NAF1: variants seen among roughly 807,000 people sequenced by gnomAD.
The protein encoded by NAF1 is nuclear assembly factor 1 ribonucleoprotein.
NAF1 carries 11 observed loss-of-function variants against 40.6 expected under a neutral mutation model. That is an observed-to-expected ratio of 0.27 (90% CI 0.17 to 0.45). The LOEUF is 0.45. Among genes scored for constraint, NAF1 ranks in the 20% least tolerant of loss-of-function variants. The pLI, the probability that NAF1 is intolerant of heterozygous loss-of-function variation, is 1.00. For missense variants in NAF1, 607 were observed against 611.1 expected (o/e 0.99, Z 0.07); for synonymous variants, 260 against 228.5 (o/e 1.14, Z -1.24).
chr4:163,124,630 G>A (rs1265752135), downstream of NAF1, among the ~76,000 whole-genome samples: 4 of 152,106 alleles, frequency 2.6e-5, no homozygotes, highest in Non-Finnish European at 5.9e-5. Flanking sequence ...TCCACAATTG[G>A]TTGAACCCAC....
rs1001037603 is a variant in NAF1 at position 163,166,877 on chromosome 4, G to A, written c.-150C>T. 2.4e-5 allele frequency: 25 copies of A among 1,060,286 alleles called. No individual in the cohort carries two copies. In the African/African-American group the frequency reaches 2.9e-4, roughly 12 times the overall value. The allele number at this position is 1,060,286 out of a possible 1,614,324, so 65.7% of individuals were successfully genotyped here. On this transcript the variant is annotated 5_prime_UTR_variant, in exon 1 of 8. Coordinates refer to ENST00000274054, the MANE Select transcript of NAF1 (RefSeq NM_138386.3). ...GTTTCTCAGGTAACTACACGCGGAG[G>A]AGCCAAAAGACACGCCCCCGCCATT...
intron 2 of NAF1, among the ~76,000 whole-genome samples, chr4:163,150,661 G>A (rs542966495): frequency 1.3e-5 from 2 of 151,756 alleles, no homozygotes; most frequent in South Asian, 4.2e-4. Flanking sequence ...TTTATCAGTG[G>A]TACTATAATA....
At chr4:163,115,013 TATC>T (rs561143391) in intron 2 of NAF1, among the ~76,000 whole-genome samples, 71 of 152,208 alleles carry the variant, frequency 4.7e-4, no homozygotes, top group African/African-American at 1.5e-3. Context: ...TTATTCATAA[TATC>T]ATCCTATTTC....
intron 7 of NAF1, among the ~76,000 whole-genome samples, chr4:163,130,578 T>C: frequency 6.6e-6 from 1 of 152,142 alleles, no homozygotes; most frequent in East Asian, 1.9e-4. Context: ...AATAAATCAA[T>C]GGGACAAAAT....
Position 163,129,180 on chromosome 4 carries a change from A to G in NAF1, c.1202T>C (p.Met401Thr), listed in dbSNP as rs1560784377. The G allele has an allele frequency of 5.0e-6, 8 of 1,613,832 alleles. No individual in the cohort carries two copies. The highest frequency in any genetic ancestry group is 1.7e-5 in the Admixed American group (1 of 60,002). The change falls in exon 8 of 8, where the codon ATG becomes ACG. Residue 401 changes from methionine to threonine, a missense_variant. Met to Thr is a moderately conservative substitution (Grantham distance 81). Transcript: ENST00000274054. ...AAATCCTGAAGTCTCCTGAGATACCATATGTTCTGAGTTATAGAAATGCTG... is the reference window on the plus strand; with the variant it reads ...AAATCCTGAAGTCTCCTGAGATACCGTATGTTCTGAGTTATAGAAATGCTG... ...PPQHFYNSEH[M>T]VSQETSGFPS...
At position 163,145,803 on chromosome 4, in the gene NAF1, A is replaced by G. The variant is rs781534374; in HGVS notation, c.696T>C (p.Ser232=). The G allele has an allele frequency of 2.5e-6, 4 of 1,588,484 alleles. No individual in the cohort carries two copies. The highest frequency in any genetic ancestry group is 2.6e-6 in the Non-Finnish European group (3 of 1,162,330). The change falls in exon 4 of 8, where the codon AGT becomes AGC. Residue 232 remains serine, a synonymous_variant. Coordinates refer to ENST00000274054, the MANE Select transcript of NAF1 (RefSeq NM_138386.3). ...AAACCTTTCCTGCTGCTTGTCGATCACTTTTAAAAATTACAGTCTCCTCAT... is the reference window on the plus strand; with the variant it reads ...AAACCTTTCCTGCTGCTTGTCGATCGCTTTTAAAAATTACAGTCTCCTCAT... ...PVNEETVIFK[S]DRQAAGKIFE...
At chr4:163,104,279 C>G in the NAF1 span, among the ~76,000 whole-genome samples, 18,100 of 152,180 alleles carry the variant, frequency 0.12, 1,165 homozygotes, top group Non-Finnish European at 0.14. Flanking sequence ...ACATGCAGGT[C>G]ACAGGGGATT....
chr4:163,138,501 A>T (rs1731141250), intron 5 of NAF1, among the ~76,000 whole-genome samples: 1 of 152,142 alleles, frequency 6.6e-6, no homozygotes, highest in African/African-American at 2.4e-5. Flanking sequence ...TTTTAACAAG[A>T]CAGTAAGTAC....
At chr4:163,114,441 T>G (rs1271907308) in intron 2 of NAF1, among the ~76,000 whole-genome samples, 1 of 152,192 alleles carries the variant, frequency 6.6e-6, no homozygotes, top group South Asian at 2.1e-4. Context: ...GAACACAGGA[T>G]TCCAGAAAAT....
intron 2 of NAF1, among the ~76,000 whole-genome samples, chr4:163,152,456 A>G (rs1328918266): frequency 6.6e-6 from 1 of 152,192 alleles, no homozygotes; most frequent in African/African-American, 2.4e-5. Context: ...GGGTCTCACA[A>G]TTTTGGTCAA....
At chr4:163,147,222 T>A (rs1403134709) in intron 3 of NAF1, among the ~76,000 whole-genome samples, 2 of 152,192 alleles carry the variant, frequency 1.3e-5, no homozygotes, top group East Asian at 3.8e-4. Context: ...TGTTAATTTT[T>A]AAAAATATCA....
downstream of NAF1, among the ~76,000 whole-genome samples, chr4:163,125,089 C>T (rs1444171388): frequency 3.3e-5 from 5 of 152,214 alleles, no homozygotes; most frequent in Non-Finnish European, 7.3e-5. Context: ...TTAATGGATA[C>T]ATGTGTATGT....
chr4:163,137,127 A>G (rs773713921), intron 6 of NAF1, 72 bp downstream of exon 6: 36 of 1,557,894 alleles, frequency 2.3e-5, no homozygotes, highest in Non-Finnish European at 3.0e-5. Context: ...CCTAACAGCA[A>G]GAATGATAAA....
downstream of NAF1, among the ~76,000 whole-genome samples, chr4:163,106,098 C>T (rs1241672312): frequency 6.6e-6 from 1 of 152,122 alleles, no homozygotes; most frequent in African/African-American, 2.4e-5. Flanking sequence ...TCATTAACCA[C>T]ACCTGTGGGA....
intron 5 of NAF1, among the ~76,000 whole-genome samples, chr4:163,139,158 T>A (rs1731163148): frequency 6.6e-6 from 1 of 152,088 alleles, no homozygotes; most frequent in Non-Finnish European, 1.5e-5. Context: ...TAAGTAATCT[T>A]CTTATGCCAT....
chr4:163,132,934 G>A (rs1013288975), intron 7 of NAF1, among the ~76,000 whole-genome samples: 4 of 152,216 alleles, frequency 2.6e-5, no homozygotes, highest in African/African-American at 7.2e-5. Context: ...TGACAAGCAC[G>A]AGTAACAAGG....
Position 163,129,122 on chromosome 4 carries a change from T to A in NAF1, c.1260A>T (p.Pro420=), listed in dbSNP as rs376502875. ...PSQRQNNPIM[P]QYPFPLPVFD... is the part of the protein sequence containing the mutation. The stretch of plus-strand genomic sequence containing the variant: ...ACACTGGAAGAGGAAAGGGGTATTG[T>A]GGCATAATGGGATTATTTTGTCTCT... The change falls in exon 8 of 8, where the codon CCA becomes CCT. Residue 420 remains proline (P), a synonymous_variant. Coordinates refer to ENST00000274054, the MANE Select transcript of NAF1 (RefSeq NM_138386.3). 1 of 1,613,512 alleles carries A rather than the reference T, an allele frequency of 6.2e-7. No individual in the cohort carries two copies. Among genetic ancestry groups the A allele is most frequent in the Non-Finnish European group, 8.5e-7 (1 of 1,179,640 alleles).
intron 1 of NAF1, among the ~76,000 whole-genome samples, chr4:163,164,799 T>C (rs1732383967): frequency 6.6e-6 from 1 of 152,186 alleles, no homozygotes; most frequent in Non-Finnish European, 1.5e-5. Context: ...AATTGCCAGA[T>C]TGCTTAATGA....
chr4:163,124,362 A>T (rs1411349621), downstream of NAF1, among the ~76,000 whole-genome samples: 1 of 152,198 alleles, frequency 6.6e-6, no homozygotes, highest in Non-Finnish European at 1.5e-5. Flanking sequence ...GAGACTGAAG[A>T]GCAAAATGGA....
Sources: gnomAD v4.1 joint callset for allele counts (sites outside exome capture counted in the v4.1 genomes callset) on GRCh38, gnomAD v4.1.1 for gene constraint, MANE v1.5 for transcripts, NCBI Gene and HGNC (gene_info 2026-07-23, HGNC 2026-07-21) for gene names.